The following NAV2 variants were observed in gnomAD, a reference collection of about 807,000 sequenced individuals.
The protein encoded by NAV2 is neuron navigator 2, also known as helicase, APC down-regulated 1.
A neutral mutation model predicts 223.2 loss-of-function variants in NAV2; 54 were observed. The observed-to-expected ratio is 0.24, with a 90% CI of 0.19 to 0.30. The LOEUF is 0.30. NAV2 is among the 10% of genes least tolerant of loss of function. The probability of loss-of-function intolerance (pLI) is 1.00; values close to 1 mark genes in which losing one functional copy is unlikely to be tolerated. For synonymous variants in NAV2, 1,279 were observed against 1,239.3 expected (o/e 1.03, Z -0.67); for missense variants, 2,806 against 3,147.5 (o/e 0.89, Z 2.60).
At chr11:19,852,523 T>C (rs566934878) in intron 3 of NAV2, among the ~76,000 whole-genome samples, 8 of 152,332 alleles carry the variant, frequency 5.3e-5, no homozygotes, top group African/African-American at 1.9e-4. Flanking sequence ...GTGCATTTCA[T>C]CTCAGTAATT....
At chr11:19,398,803 G>T (rs767379694) in intron 1 of NAV2, among the ~76,000 whole-genome samples, 1 of 152,124 alleles carries the variant, frequency 6.6e-6, no homozygotes, top group South Asian at 2.1e-4. Flanking sequence ...CTGGGGATCC[G>T]GGCCCCTCCT....
At chr11:20,106,175 A>ATATATATGTGTGTGTGTGTG (rs11267537) in intron 35 of NAV2, among the ~76,000 whole-genome samples, 3,869 of 35,682 alleles carry the variant, frequency 0.11, 1,053 homozygotes, top group Non-Finnish European at 0.16. Context: ...ATATATATAT[A>ATATATATGTGTGTGTGTGTG]TGTGTGTGTA....
At chr11:20,106,019 G>A (rs1050353835) in intron 35 of NAV2, among the ~76,000 whole-genome samples, 5 of 151,130 alleles carry the variant, frequency 3.3e-5, no homozygotes, top group African/African-American at 1.2e-4. Context: ...GGCTTTGCTT[G>A]AAAAATAAAA....
In NAV2 at chr11:20,067,399, C is replaced by T. The variant is rs187581203; in HGVS notation, c.4885-787C>T. ...GTTGCCAGAGAAAATACTAAACCCT[C>T]AATTAAATGTGAAATTTAGATTAAC... On this transcript the variant is annotated intron_variant, in intron 20 of 37. Transcript: ENST00000349880. Among the ~76,000 whole-genome samples the T allele has an allele frequency of 2.3e-3, 351 of 152,258 alleles. 1 individual carries two copies. Among genetic ancestry groups the T allele is most frequent in the Non-Finnish European group, 4.3e-3 (294 of 68,018 alleles).
In NAV2 at chr11:20,055,818, G is replaced by A. The variant is rs777708679; in HGVS notation, c.4692G>A (p.Leu1564=). Residue 1564 remains leucine (L), a synonymous_variant, in exon 19 of 38, where the codon CTG becomes CTA. Transcript: ENST00000349880. ...TQMSLSNPTM[L]RTHSLSNADG... is the part of the protein sequence containing the mutation. ...TGAGCTTGTCCAACCCGACCATGCT[G>A]AGGACTCACAGCCTCTCCAATGCTG... 4.3e-6 allele frequency: 7 copies of A among 1,614,166 alleles called. No homozygotes were observed. The East Asian group carries it at 1.6e-4, about 36-fold the overall frequency.
At chr11:19,730,198 C>T (rs1219122189) in intron 1 of NAV2, among the ~76,000 whole-genome samples, 2 of 152,146 alleles carry the variant, frequency 1.3e-5, no homozygotes, top group African/African-American at 2.4e-5. Flanking sequence ...AGCCCAGTTC[C>T]CCTCGGCAGG....
chr11:19,745,158 T>C (rs1197056178), intron 1 of NAV2, among the ~76,000 whole-genome samples: 2 of 152,136 alleles, frequency 1.3e-5, no homozygotes, highest in African/African-American at 4.8e-5. Context: ...AAGACATGAT[T>C]TCAGAGGCAC....
intron 10 of NAV2, among the ~76,000 whole-genome samples, chr11:19,983,069 A>G (rs536493636): frequency 2.0e-4 from 31 of 152,292 alleles, no homozygotes; most frequent in African/African-American, 7.2e-4. Flanking sequence ...GATGGGGCCC[A>G]TAAGGGATTG....
At chr11:19,971,252 G>A (rs748897188) in intron 10 of NAV2, among the ~76,000 whole-genome samples, 19 of 152,056 alleles carry the variant, frequency 1.2e-4, no homozygotes, top group Non-Finnish European at 2.4e-4. Context: ...TGCGAGGGAC[G>A]GGGGTTATGT....
upstream of NAV2, among the ~76,000 whole-genome samples, chr11:19,708,831 G>T (rs1254896389): frequency 6.6e-6 from 1 of 151,224 alleles, no homozygotes; most frequent in Non-Finnish European, 1.5e-5. Context: ...ATAAAGAATG[G>T]TTGTCAAAGT....
At chr11:19,416,917 C>T (rs1342371776) in intron 1 of NAV2, among the ~76,000 whole-genome samples, 1 of 152,190 alleles carries the variant, frequency 6.6e-6, no homozygotes, top group Non-Finnish European at 1.5e-5. Context: ...AACTGTACCG[C>T]TTCCTTACAC....
intron 36 of NAV2, among the ~76,000 whole-genome samples, chr11:20,108,716 T>C (rs2062376834): frequency 6.6e-6 from 1 of 151,426 alleles, no homozygotes. Flanking sequence ...CCTCCCAAAG[T>C]ACTGGGATTA....
At chr11:19,844,861 A>G (rs1005329404) in intron 3 of NAV2, among the ~76,000 whole-genome samples, 1 of 150,742 alleles carries the variant, frequency 6.6e-6, no homozygotes, top group African/African-American at 2.4e-5. Context: ...ATAAAATCCT[A>G]TAATTGTCTG....
intron 20 of NAV2, among the ~76,000 whole-genome samples, chr11:20,066,679 C>G (rs1320415201): frequency 6.6e-6 from 1 of 152,186 alleles, no homozygotes; most frequent in Non-Finnish European, 1.5e-5. Context: ...TCTAATGAAT[C>G]ATACCCACTT....
chr11:19,385,512 C>T (rs1021373878), intron 1 of NAV2, among the ~76,000 whole-genome samples: 2 of 152,144 alleles, frequency 1.3e-5, no homozygotes, highest in African/African-American at 4.8e-5. Flanking sequence ...TCAAAATACA[C>T]CTGACAACTG....
At chr11:19,471,858 C>T (rs975394230) in intron 1 of NAV2, among the ~76,000 whole-genome samples, 2 of 152,198 alleles carry the variant, frequency 1.3e-5, no homozygotes, top group East Asian at 1.9e-4. Context: ...CTTCACCCCA[C>T]TGCTATTCCC....
chr11:19,782,990 A>G (rs1352743467), intron 1 of NAV2, among the ~76,000 whole-genome samples: 1 of 152,178 alleles, frequency 6.6e-6, no homozygotes, highest in Non-Finnish European at 1.5e-5. Flanking sequence ...ATTATACATT[A>G]TCTTTGTCAT....
intron 11 of NAV2, chr11:20,027,285 G>A (rs2055187486): frequency 1.0e-6 from 1 of 984,440 alleles, no homozygotes; most frequent in African/African-American, 1.8e-5. Flanking sequence ...CCACACCAAA[G>A]GATCTCGTTC....
At chr11:19,704,042 G>T (rs2049587916) in intron 1 of NAV2, among the ~76,000 whole-genome samples, 1 of 151,998 alleles carries the variant, frequency 6.6e-6, no homozygotes, top group South Asian at 2.1e-4. Flanking sequence ...AAGGGGGTAG[G>T]TATCTTTTCC....
Sources: gnomAD v4.1 joint callset for allele counts (sites outside exome capture counted in the v4.1 genomes callset) on GRCh38, gnomAD v4.1.1 for gene constraint, MANE v1.5 for transcripts, NCBI Gene and HGNC (gene_info 2026-07-23, HGNC 2026-07-21) for gene names.